Variants in C16orf74 observed in about 807,000 individuals in gnomAD.
C16orf74 encodes calcimembrin.
In C16orf74, 10 loss-of-function variants were observed where a neutral mutation model predicts 6.5. That is an observed-to-expected ratio of 1.54 (90% confidence interval 0.95 to 2.61). The LOEUF (loss-of-function observed/expected upper bound fraction) is 2.61. Ranked by LOEUF, C16orf74 falls within the 30% of genes most tolerant of loss-of-function variation. The pLI, the probability that C16orf74 is intolerant of heterozygous loss-of-function variation, is 0.00. For missense variants in C16orf74, 141 were observed against 105.9 expected (o/e 1.33, Z -1.45); for synonymous variants, 60 against 42.5 (o/e 1.41, Z -1.60).
intron 2 of C16orf74, among the ~76,000 whole-genome samples, chr16:85,713,411 T>C (rs2053989140): frequency 6.6e-6 from 1 of 152,164 alleles, no homozygotes; most frequent in South Asian, 2.1e-4. Flanking sequence ...TAGTTGGGAT[T>C]ACAGGCATGC....
chr16:85,748,116 ATATG>A (rs1486059639), intron 1 of C16orf74, among the ~76,000 whole-genome samples: 11 of 61,998 alleles, frequency 1.8e-4, no homozygotes, highest in African/African-American at 3.4e-4. Context: ...ACATATATAT[ATATG>A]TGTGTGTGTA....
chr16:85,737,973 T>A (rs910005586), intron 1 of C16orf74, among the ~76,000 whole-genome samples: 1 of 151,650 alleles, frequency 6.6e-6, no homozygotes, highest in African/African-American at 2.4e-5. Context: ...TTTTTTTTTT[T>A]TTTTTTTAGC....
At chr16:85,709,554 G>A (rs2053946937) in intron 3 of C16orf74, among the ~76,000 whole-genome samples, 2 of 151,036 alleles carry the variant, frequency 1.3e-5, no homozygotes, top group Admixed American at 6.6e-5. Flanking sequence ...TCAGCACCCG[G>A]CATAGGCCCA....
chr16:85,718,875 C>G (rs960110418), intron 2 of C16orf74, among the ~76,000 whole-genome samples: 1 of 152,222 alleles, frequency 6.6e-6, no homozygotes, highest in Non-Finnish European at 1.5e-5. Flanking sequence ...TGGGTGCCAA[C>G]GGCTACTGTT....
At chr16:85,727,127 G>A (rs1598793777) in intron 2 of C16orf74, among the ~76,000 whole-genome samples, 1 of 152,250 alleles carries the variant, frequency 6.6e-6, no homozygotes, top group East Asian at 1.9e-4. Context: ...TGCACGGTAG[G>A]GACGCAATAA....
At chr16:85,737,961 ATTTT>A (rs34329302) in intron 1 of C16orf74, among the ~76,000 whole-genome samples, 7 of 136,934 alleles carry the variant, frequency 5.1e-5, no homozygotes, top group Admixed American at 7.3e-5. Context: ...TTTTTTTGTG[ATTTT>A]TTTTTTTTTT....
At chr16:85,744,844 A>AC (rs67766977) in intron 1 of C16orf74, among the ~76,000 whole-genome samples, 60,599 of 139,084 alleles carry the variant, frequency 0.44, 14,822 homozygotes, top group Middle Eastern at 0.66. Context: ...AAAAAAAAAA[A>AC]AAAAAACTCT....
At chr16:85,727,667 A>C (rs1239021638) in intron 2 of C16orf74, among the ~76,000 whole-genome samples, 1 of 151,630 alleles carries the variant, frequency 6.6e-6, no homozygotes, top group African/African-American at 2.4e-5. Context: ...AAAAAAAATA[A>C]GCCGGGTGTG....
intron 2 of C16orf74, among the ~76,000 whole-genome samples, chr16:85,732,424 G>C (rs546685808): frequency 6.6e-6 from 1 of 152,070 alleles, no homozygotes; most frequent in East Asian, 1.9e-4. Context: ...CCAGCACTTT[G>C]GGAGGCTGAG....
intron 2 of C16orf74, among the ~76,000 whole-genome samples, chr16:85,716,032 G>A (rs1335175205): frequency 3.9e-5 from 6 of 152,164 alleles, no homozygotes; most frequent in Non-Finnish European, 7.3e-5. Context: ...CCCGACAAAA[G>A]GAATCGCTGA....
rs1475502301 is a variant in C16orf74 at position 85,751,077 on chromosome 16, G to A, written c.-170C>T. The A allele has an allele frequency of 6.8e-6, 1 of 148,118 alleles. No homozygotes were observed. The highest frequency in any genetic ancestry group is 2.4e-5 in the African/African-American group (1 of 40,948). The allele number at this position is 148,118 out of a possible 1,614,324, so 9.2% of individuals were successfully genotyped here. On this transcript the variant is annotated 5_prime_UTR_variant, in exon 1 of 4. Coordinates refer to ENST00000284245, the MANE Select transcript of C16orf74 (RefSeq NM_206967.3). ...CAGCGGGGGTCATGGCCCGGCCGGC[G>A]CTCGGGCAGCCGCGCGCCTCCCGCG...
At chr16:85,748,953 ATT>A (rs1204636454) in intron 1 of C16orf74, among the ~76,000 whole-genome samples, 28 of 114,570 alleles carry the variant, frequency 2.4e-4, no homozygotes, top group Non-Finnish European at 4.1e-5. Flanking sequence ...TTTTTATTTT[ATT>A]TTTTTTTAGA....
At chr16:85,737,185 A>T (rs8062485) in intron 1 of C16orf74, among the ~76,000 whole-genome samples, 4,691 of 152,188 alleles carry the variant, frequency 0.031, 232 homozygotes, top group African/African-American at 0.11. Flanking sequence ...CTCCTGACAG[A>T]GAGGGAGGGA....
intron 1 of C16orf74, among the ~76,000 whole-genome samples, chr16:85,746,888 C>T (rs758636566): frequency 6.6e-6 from 1 of 152,180 alleles, no homozygotes; most frequent in Non-Finnish European, 1.5e-5. Context: ...CAACTCCAGC[C>T]AAAGGAACTG....
rs181901115 is a variant in C16orf74 at position 85,739,785 on chromosome 16, C to T, written c.-18-4550G>A. On this transcript the variant is annotated intron_variant, in intron 1 of 3. Coordinates refer to ENST00000284245, the MANE Select transcript of C16orf74 (RefSeq NM_206967.3). ...TCACTGCACTACCTGGGAGACAGAGCAAGACCCTGTCTCAAAAAAAGAAAA... is the reference window on the plus strand; with the variant it reads ...TCACTGCACTACCTGGGAGACAGAGTAAGACCCTGTCTCAAAAAAAGAAAA... 2.4e-3 allele frequency among the ~76,000 whole-genome samples: 361 copies of T among 152,218 alleles called. 2 individuals carry two copies. Among genetic ancestry groups the T allele is most frequent in the African/African-American group, 8.4e-3 (349 of 41,520 alleles).
At chr16:85,723,755 C>A (rs1234056988) in intron 2 of C16orf74, among the ~76,000 whole-genome samples, 1 of 152,218 alleles carries the variant, frequency 6.6e-6, no homozygotes, top group Admixed American at 6.5e-5. Flanking sequence ...CCGTGCTGTG[C>A]AGCTGTGGGA....
chr16:85,727,111 G>A (rs1466662299), intron 2 of C16orf74, among the ~76,000 whole-genome samples: 1 of 152,214 alleles, frequency 6.6e-6, no homozygotes, highest in Non-Finnish European at 1.5e-5. Flanking sequence ...CTGGGCCAGC[G>A]CCCAGTGCAC....
chr16:85,733,119 C>G (rs1308580238), intron 2 of C16orf74, among the ~76,000 whole-genome samples: 1 of 152,188 alleles, frequency 6.6e-6, no homozygotes, highest in East Asian at 1.9e-4. Flanking sequence ...TCAAAGATGT[C>G]CTGACACAAT....
chr16:85,730,025 G>A (rs1421904815), intron 2 of C16orf74, among the ~76,000 whole-genome samples: 1 of 152,176 alleles, frequency 6.6e-6, no homozygotes, highest in Admixed American at 6.5e-5. Context: ...CAAGTCGGGT[G>A]CCATCGACAC....
Sources: allele counts gnomAD v4.1 joint callset (sites outside exome capture counted in the v4.1 genomes callset), GRCh38; gene constraint gnomAD v4.1.1; transcripts MANE v1.5; gene names NCBI Gene and HGNC (gene_info 2026-07-23, HGNC 2026-07-21).